The following LRP1 variants were observed in gnomAD, a reference collection of about 807,000 sequenced individuals.
LRP1 encodes the protein LDL receptor related protein 1.
In LRP1, 51 loss-of-function variants were observed where a neutral mutation model predicts 541.5. The observed-to-expected ratio is 0.09, with a 90% CI of 0.08 to 0.12. The LOEUF is 0.12. Ranked by LOEUF, LRP1 falls within the 10% of genes least tolerant of loss-of-function variation. LRP1 has a pLI of 1.00. For missense variants in LRP1, 3,878 were observed against 6,376.2 expected (o/e 0.61, Z 13.34); for synonymous variants, 2,219 against 2,470.8 (o/e 0.90, Z 3.02).
intron 4 of LRP1, 55 bp from the exon 5 acceptor site, chr12:57,144,917 C>A: frequency 6.4e-7 from 1 of 1,570,770 alleles, no homozygotes; most frequent in Non-Finnish European, 8.8e-7. Context: ...TGATCACCCA[C>A]TTCGTTGCCC....
chr12:57,169,228 C>A lies in LRP1; in HGVS notation c.3084C>A (p.Ile1028=). The change falls in exon 20 of 89, where the codon ATC becomes ATA. Residue 1028 remains isoleucine, a synonymous_variant. Transcript: ENST00000243077. ...TQFKCNSGRC[I]PEHWTCDGDN... ...TCAAGTGCAACAGCGGGCGTTGCATCCCCGAGCACTGGACCTGCGATGGGG... is the reference window on the plus strand; with the variant it reads ...TCAAGTGCAACAGCGGGCGTTGCATACCCGAGCACTGGACCTGCGATGGGG... 1 of 1,613,950 alleles carries A rather than the reference C, an allele frequency of 6.2e-7. No homozygotes were observed. Among genetic ancestry groups the A allele is most frequent in the South Asian group, 1.1e-5 (1 of 91,084 alleles).
chr12:57,160,829 GA>G, intron 12 of LRP1, 63 bp from the exon 13 acceptor site: 2 of 1,289,316 alleles, frequency 1.6e-6, no homozygotes, highest in East Asian at 4.6e-5. Context: ...CATGGATTGG[GA>G]TCACAGGGGA....
chr12:57,169,744 G>A (rs2035909833), intron 20 of LRP1, among the ~76,000 whole-genome samples: 1 of 152,220 alleles, frequency 6.6e-6, no homozygotes. Flanking sequence ...TTGAGAAAAG[G>A]ATGCTGCAGG....
At chr12:57,139,963 G>C (rs988878405) in intron 2 of LRP1, among the ~76,000 whole-genome samples, 2 of 152,298 alleles carry the variant, frequency 1.3e-5, no homozygotes, top group East Asian at 3.9e-4. Context: ...CTCCCATCCA[G>C]GCACACATGG....
At position 57,179,973 on chromosome 12, in the gene LRP1, G is replaced by A. The variant is rs377735614; in HGVS notation, c.5141+17G>A. On this transcript the variant is annotated intron_variant, in intron 30 of 88. Transcript: ENST00000243077. The surrounding 1 kb of genome is among the most constrained non-coding windows in gnomAD (Gnocchi z 6.8). ...TCTGCGTGGGTCAGTCTAGGGCCCA[G>A]GGCCGGGGAGCATGGGGTGTGGGGC... 2 of 1,613,952 alleles carry A rather than the reference G, an allele frequency of 1.2e-6. No individual in the cohort carries two copies. Among genetic ancestry groups the A allele is most frequent in the Admixed American group, 1.7e-5 (1 of 60,022 alleles).
chr12:57,176,186 G>A lies in LRP1; in HGVS notation c.3991+80G>A. 4.1e-6 allele frequency: 6 copies of A among 1,447,636 alleles called. No individual in the cohort carries two copies. In the South Asian group the frequency reaches 7.2e-5, roughly 17 times the overall value. The allele number at this position is 1,447,636 out of a possible 1,614,324, so 89.7% of individuals were successfully genotyped here. Reference sequence around the variant, plus strand: ...AGGGGCCACAGGTCCCATCCAAGTGGCCCCAAAGCAGAGGCTTGGCTCCCC... The same window carrying A: ...AGGGGCCACAGGTCCCATCCAAGTGACCCCAAAGCAGAGGCTTGGCTCCCC... On this transcript the variant is annotated intron_variant, in intron 24 of 88. Coordinates refer to ENST00000243077, the MANE Select transcript of LRP1 (RefSeq NM_002332.3).
chr12:57,196,651 C>T (rs1281040315), intron 55 of LRP1, among the ~76,000 whole-genome samples: 1 of 152,076 alleles, frequency 6.6e-6, no homozygotes, highest in Non-Finnish European at 1.5e-5. Flanking sequence ...AGAGAGGAGT[C>T]CAAAGTCTGA....
Position 57,156,781 on chromosome 12 carries a change from G to A in LRP1, c.1422G>A (p.Arg474=), listed in dbSNP as rs138294603. The A allele has an allele frequency of 6.2e-7, 1 of 1,607,518 alleles. No individual in the cohort carries two copies. The highest frequency in any genetic ancestry group is 8.5e-7 in the Non-Finnish European group (1 of 1,175,960). Residue 474 remains arginine, a synonymous_variant, in exon 10 of 89, where the codon AGG becomes AGA. Transcript: ENST00000243077. This position sits in a 1 kb window ranked among gnomAD's most constrained non-coding sequence, Gnocchi z 5.2. ...IYHQRRQPRV[R]SHACENDQYG... Reference sequence around the variant, plus strand: ...AGCTCTTCACCCTGCCCCCAGTGAGGAGCCATGCCTGTGAAAACGACCAGT... The same window carrying A: ...AGCTCTTCACCCTGCCCCCAGTGAGAAGCCATGCCTGTGAAAACGACCAGT...
rs201097198 is a variant in LRP1, at chr12:57,143,699, C to T, written c.349C>T (p.Arg117Cys). 3.1e-6 allele frequency: 5 copies of T among 1,614,038 alleles called. No homozygotes were observed. The highest frequency in any genetic ancestry group is 1.3e-5 in the African/African-American group (1 of 75,074). Reference sequence around the variant, plus strand: ...CACAGAGCTCCAAGGCAACTGCTCTCGCCTGGGCTGCCAGCACCATTGTGT... The same window carrying T: ...CACAGAGCTCCAAGGCAACTGCTCTTGCCTGGGCTGCCAGCACCATTGTGT... ...HCRELQGNCSRLGCQHHCVPT... is the reference protein window; with the variant it reads ...HCRELQGNCSCLGCQHHCVPT... Residue 117 changes from arginine (R) to cysteine (C), a missense_variant, in exon 4 of 89, where the codon CGC (arginine) becomes TGC (cysteine). Physicochemically the swap from Arg to Cys is radical, Grantham distance 180 (BLOSUM62 -3). Around this residue, in one of 13 missense-constraint regions of LRP1, gnomAD observed 293 missense variants for 403.7 expected, o/e 0.73. Transcript: ENST00000243077.
At chr12:57,169,765 T>A (rs1010734132) in intron 20 of LRP1, among the ~76,000 whole-genome samples, 2 of 152,324 alleles carry the variant, frequency 1.3e-5, no homozygotes, top group East Asian at 3.9e-4. Context: ...CAGGGATGAA[T>A]GAGCCTGAAG....
chr12:57,195,682 G>A lies in LRP1; in HGVS notation c.8462G>A (p.Arg2821His), dbSNP rs777588175. The change falls in exon 53 of 89, where the codon CGT becomes CAT. Residue 2821 changes from arginine to histidine, a missense_variant. Transcript: ENST00000243077. ...GCLYNSTCDD[R>H]EFMCQNRQCI... ...GTGTACAACAGCACTTGTGACGACC[G>A]TGAGTTCATGTGCCAGAACCGCCAG... 1.9e-6 allele frequency: 3 copies of A among 1,614,112 alleles called. No individual in the cohort carries two copies. The highest frequency in any genetic ancestry group is 2.2e-5 in the South Asian group (2 of 91,082).
chr12:57,134,417 T>C (rs2035110294), intron 1 of LRP1, among the ~76,000 whole-genome samples: 2 of 152,312 alleles, frequency 1.3e-5, no homozygotes, highest in African/African-American at 2.4e-5. Flanking sequence ...AACGACAGCG[T>C]TCTCCCTGCA....
At position 57,190,923 on chromosome 12, in the gene LRP1, A is replaced by T; in HGVS notation, c.7150A>T (p.Ile2384Phe). The T allele has an allele frequency of 6.2e-7, 1 of 1,613,494 alleles. No individual in the cohort carries two copies. The highest frequency in any genetic ancestry group is 8.5e-7 in the Non-Finnish European group (1 of 1,179,988). Reference protein sequence around the residue: ...KDIRTPNGLAIDHRAEKLYFS... With the variant: ...KDIRTPNGLAFDHRAEKLYFS... Reference sequence around the variant, plus strand: ...CATCCGTACCCCCAATGGCCTGGCCATCGACCACCGTGCCGAGAAGCTCTA... The same window carrying T: ...CATCCGTACCCCCAATGGCCTGGCCTTCGACCACCGTGCCGAGAAGCTCTA... Residue 2384 changes from isoleucine (I) to phenylalanine (F), a missense_variant, in exon 43 of 89, where the codon ATC becomes TTC. Physicochemically the swap from Ile to Phe is conservative, Grantham distance 21 (BLOSUM62 0). Transcript: ENST00000243077.
Position 57,179,091 on chromosome 12 carries a change from C to A in LRP1, c.4738+70C>A. 1 of 1,557,478 alleles carries A rather than the reference C, an allele frequency of 6.4e-7. No individual in the cohort carries two copies. Among genetic ancestry groups the A allele is most frequent in the Non-Finnish European group, 8.7e-7 (1 of 1,153,528 alleles). The stretch of plus-strand genomic sequence containing the variant: ...GGGAAGGCCGCAGGCCCCAGGATCC[C>A]GGTTGTCAGCTAAGGCAGAGTCCCA... On this transcript the variant is annotated intron_variant, in intron 28 of 88. Transcript: ENST00000243077. This position sits in a 1 kb window ranked among gnomAD's most constrained non-coding sequence, Gnocchi z 6.8.
chr12:57,200,279 C>T (rs2036621203), intron 62 of LRP1, 163 bp from the exon 63 acceptor site: 4 of 659,268 alleles, frequency 6.1e-6, no homozygotes, highest in Non-Finnish European at 1.1e-5. Flanking sequence ...CCCTATCCCA[C>T]GCAGCCCCAT....
At position 57,162,765 on chromosome 12, in the gene LRP1, C is replaced by T; in HGVS notation, c.2405-93C>T. On this transcript the variant is annotated intron_variant, in intron 14 of 88. Transcript: ENST00000243077. This position sits in a 1 kb window ranked among gnomAD's most constrained non-coding sequence, Gnocchi z 5.2. ...TCCTCTCCATATTTCCTCTTTCTGT[C>T]CCCACATCTTAATGTGTCTCCTCCC... 1 of 1,375,076 alleles carries T rather than the reference C, an allele frequency of 7.3e-7. No individual in the cohort carries two copies. Among genetic ancestry groups the T allele is most frequent in the East Asian group, 2.5e-5 (1 of 39,776 alleles). 85.2% of individuals were successfully genotyped at this position (1,375,076 alleles called of 1,614,324 possible). A position where few individuals can be genotyped will look rare whatever the true frequency, so the allele number is the denominator to read the frequency against.
At position 57,202,541 on chromosome 12, in the gene LRP1, C is replaced by CGGG; in HGVS notation, c.10711+5_10711+6insGGG. On this transcript the variant is annotated splice_donor_region_variant and intron_variant, in intron 68 of 88. Transcript: ENST00000243077. ...AACTCCGATGAAGAGAGCTGCAGTACGTCCCCACCCACCCAGCCCCGCATG... is the reference window on the plus strand; with the variant it reads ...AACTCCGATGAAGAGAGCTGCAGTACGGGGTCCCCACCCACCCAGCCCCGCATG... 5 of 1,562,798 alleles carry CGGG rather than the reference C, an allele frequency of 3.2e-6. No individual in the cohort carries two copies. Among genetic ancestry groups the CGGG allele is most frequent in the Non-Finnish European group, 3.5e-6 (4 of 1,152,388 alleles).
chr12:57,197,654 G>A lies in LRP1; in HGVS notation c.9272G>A (p.Ser3091Asn). 6.2e-7 allele frequency: 1 copy of A among 1,613,860 alleles called. No individual in the cohort carries two copies. The highest frequency in any genetic ancestry group is 1.7e-4 in the Middle Eastern group (1 of 6,028). Reference sequence around the variant, plus strand: ...ATCCGAAGGATGCACCTTAACGGGAGCAATGTGCAGGTGAGGCGGGCGGCC... The same window carrying A: ...ATCCGAAGGATGCACCTTAACGGGAACAATGTGCAGGTGAGGCGGGCGGCC... ...SMIRRMHLNGSNVQVLHRTGL... is the reference protein window; with the variant it reads ...SMIRRMHLNGNNVQVLHRTGL... Residue 3091 changes from serine (S) to asparagine (N), a missense_variant, in exon 58 of 89, where the codon AGC (serine) becomes AAC (asparagine). Coordinates refer to ENST00000243077, the MANE Select transcript of LRP1 (RefSeq NM_002332.3). The surrounding 1 kb of genome is among the most constrained non-coding windows in gnomAD (Gnocchi z 4.5).
In LRP1 at chr12:57,195,665, C is replaced by A; in HGVS notation, c.8445C>A (p.Asn2815Lys). 1.2e-6 allele frequency: 2 copies of A among 1,614,108 alleles called. No individual in the cohort carries two copies. Among genetic ancestry groups the A allele is most frequent in the Non-Finnish European group, 1.7e-6 (2 of 1,180,024 alleles). ...DESIAAGCLYNSTCDDREFMC... is the reference protein window; with the variant it reads ...DESIAAGCLYKSTCDDREFMC... ...GTCCACCTCTGTCCACAGTGTACAA[C>A]AGCACTTGTGACGACCGTGAGTTCA... is the stretch of plus-strand genomic sequence containing the variant. Residue 2815 changes from asparagine (N) to lysine (K), a missense_variant, in exon 53 of 89, where the codon AAC becomes AAA. By Grantham distance (94) the Asn-to-Lys change is moderately conservative (BLOSUM62 0). This residue lies in a region of LRP1 where 1,100 missense variants were observed against 1,827.4 expected (regional missense o/e 0.60). Transcript: ENST00000243077.
Sources: allele counts gnomAD v4.1 joint callset (sites outside exome capture counted in the v4.1 genomes callset), GRCh38; gene constraint gnomAD v4.1.1; regional missense constraint gnomAD v4.1.1; non-coding constraint Gnocchi (gnomAD v3.1); transcripts MANE v1.5; gene names NCBI Gene and HGNC (gene_info 2026-07-23, HGNC 2026-07-21).